Variants in ACER1 observed in about 807,000 individuals in gnomAD.
ACER1 encodes the protein alkaline ceramidase 1.
In ACER1, 28 loss-of-function variants were observed where a neutral mutation model predicts 24.9. The observed-to-expected ratio is 1.13, with a 90% CI of 0.83 to 1.54. ACER1 has a LOEUF of 1.54. Among genes scored for constraint, ACER1 ranks in the 40% most tolerant of loss-of-function variants. The probability of loss-of-function intolerance (pLI) is 0.00; values close to 1 mark genes in which losing one functional copy is unlikely to be tolerated. For missense variants in ACER1, 352 were observed against 349.3 expected, an observed-to-expected ratio of 1.01 and a Z score of -0.06; for synonymous variants, 132 against 131.4, an observed-to-expected ratio of 1.00 and a Z score of -0.03.
At chr19:6,349,139 G>T in the ACER1 span, among the ~76,000 whole-genome samples, 1 of 149,166 alleles carries the variant, frequency 6.7e-6, no homozygotes, top group South Asian at 2.1e-4. Flanking sequence ...GGAAGAAGAA[G>T]AAGAAAGAAA....
the ACER1 span, among the ~76,000 whole-genome samples, chr19:6,350,398 T>C: frequency 6.6e-6 from 1 of 151,206 alleles, no homozygotes; most frequent in African/African-American, 2.4e-5. Context: ...ACTTAAAGTA[T>C]AATAATAATA....
chr19:6,324,674 A>T (rs905417861), intron 1 of ACER1, among the ~76,000 whole-genome samples: 9 of 151,750 alleles, frequency 5.9e-5, no homozygotes, highest in Non-Finnish European at 1.3e-4. Context: ...CTGAGGCAGG[A>T]GAATTTCTTG....
chr19:6,310,868 A>G (rs1349182897), intron 3 of ACER1, among the ~76,000 whole-genome samples: 1 of 139,628 alleles, frequency 7.2e-6, no homozygotes, highest in Non-Finnish European at 1.5e-5. Context: ...ACACAGCGAG[A>G]CTTCATCTAA....
the ACER1 span, among the ~76,000 whole-genome samples, chr19:6,352,189 C>T: frequency 9.5e-4 from 145 of 152,230 alleles, 1 homozygote; most frequent in Admixed American, 2.8e-3. Context: ...CCTGTTATGC[C>T]CCTGCCACTC....
At chr19:6,346,595 C>T in the ACER1 span, among the ~76,000 whole-genome samples, 4,590 of 149,774 alleles carry the variant, frequency 0.031, 253 homozygotes, top group African/African-American at 0.11. Flanking sequence ...TAGCTCACTG[C>T]AGCCTCAATC....
At chr19:6,351,636 C>A in the ACER1 span, among the ~76,000 whole-genome samples, 6 of 149,726 alleles carry the variant, frequency 4.0e-5, no homozygotes, top group Non-Finnish European at 8.9e-5. Flanking sequence ...AGGAGGCTGA[C>A]GCAGGAAGAT....
At chr19:6,327,160 G>C (rs1012703603) in intron 1 of ACER1, among the ~76,000 whole-genome samples, 8 of 152,348 alleles carry the variant, frequency 5.3e-5, no homozygotes, top group South Asian at 2.1e-4. Flanking sequence ...GCTGGGTGCA[G>C]TGGCTCATGC....
rs1220348076 is a variant in ACER1, at chr19:6,309,711, G to A, written c.474C>T (p.Cys158=). The change falls in exon 4 of 6, where the codon TGC becomes TGT. Residue 158 remains cysteine (C), a synonymous_variant. Coordinates refer to ENST00000301452, the MANE Select transcript of ACER1 (RefSeq NM_133492.3). ...SIALHILYIV[C]QEYRKTSNKE... Reference sequence around the variant, plus strand: ...CCTTCACTCACTTCCTGTACTCCTGGCACACGATGTAGAGAATGTGCAGGG... The same window carrying A: ...CCTTCACTCACTTCCTGTACTCCTGACACACGATGTAGAGAATGTGCAGGG... 6.2e-7 allele frequency: 1 copy of A among 1,613,890 alleles called. No individual in the cohort carries two copies. The highest frequency in any genetic ancestry group is 8.5e-7 in the Non-Finnish European group (1 of 1,179,890).
chr19:6,349,948 T>C, the ACER1 span, among the ~76,000 whole-genome samples: 1 of 152,046 alleles, frequency 6.6e-6, no homozygotes, highest in Non-Finnish European at 1.5e-5. Flanking sequence ...TCAGGCAACA[T>C]AGCAAGACCT....
chr19:6,311,149 G>A (rs2091577832), intron 3 of ACER1, among the ~76,000 whole-genome samples: 1 of 147,574 alleles, frequency 6.8e-6, no homozygotes, highest in African/African-American at 2.5e-5. Context: ...TTTAAGAGAT[G>A]TCAGACAGTG....
intron 1 of ACER1, among the ~76,000 whole-genome samples, chr19:6,312,778 C>A (rs1287160848): frequency 6.6e-6 from 1 of 151,284 alleles, no homozygotes; most frequent in African/African-American, 2.4e-5. Context: ...CAGGTTCGAG[C>A]GATTCTCCTG....
chr19:6,334,624 C>A (rs533814724), upstream of ACER1, among the ~76,000 whole-genome samples: 2 of 152,078 alleles, frequency 1.3e-5, no homozygotes, highest in African/African-American at 4.8e-5. Flanking sequence ...CGGGATTATA[C>A]GCATGAGCCA....
upstream of ACER1, among the ~76,000 whole-genome samples, chr19:6,335,252 C>A (rs1353830344): frequency 4.9e-5 from 6 of 122,792 alleles, no homozygotes; most frequent in African/African-American, 2.0e-4. Context: ...TGAGATGGAG[C>A]CTCACTCTGT....
At chr19:6,324,864 G>A (rs867429633) in intron 1 of ACER1, among the ~76,000 whole-genome samples, 1 of 80,914 alleles carries the variant, frequency 1.2e-5, no homozygotes, top group African/African-American at 8.7e-5. Context: ...AGAGAGAAAG[G>A]AAGGAAGGAA....
chr19:6,326,094 A>G (rs2091659987), intron 1 of ACER1, among the ~76,000 whole-genome samples: 1 of 148,782 alleles, frequency 6.7e-6, no homozygotes, highest in Admixed American at 6.7e-5. Flanking sequence ...AGCTGGGACC[A>G]CAAGTGTGCA....
At chr19:6,322,538 A>G (rs1568311490) in intron 1 of ACER1, among the ~76,000 whole-genome samples, 1 of 152,008 alleles carries the variant, frequency 6.6e-6, no homozygotes, top group East Asian at 1.9e-4. Context: ...GCCTCCCAAC[A>G]CCTGGGCTGA....
At chr19:6,355,733 C>T in the ACER1 span, among the ~76,000 whole-genome samples, 1 of 144,390 alleles carries the variant, frequency 6.9e-6, no homozygotes, top group South Asian at 2.2e-4. Context: ...CCAGCCGCCC[C>T]GTCCAGGAGG....
At chr19:6,318,856 GA>G (rs916791089) in intron 1 of ACER1, among the ~76,000 whole-genome samples, 62 of 107,828 alleles carry the variant, frequency 5.7e-4, no homozygotes, top group Non-Finnish European at 6.7e-4. Context: ...AAAAGAAAAA[GA>G]AAAAAAAAAG....
chr19:6,312,485 G>A lies in ACER1; in HGVS notation c.108C>T (p.Pro36=). 6.2e-7 allele frequency: 1 copy of A among 1,613,768 alleles called. No homozygotes were observed. The highest frequency in any genetic ancestry group is 2.2e-5 in the East Asian group (1 of 44,878). The change falls in exon 2 of 6, where the codon CCC becomes CCT. Residue 36 remains proline, a synonymous_variant. Transcript: ENST00000301452. The part of the protein sequence containing the change: ...AEFYNTFSNI[P]FFIFGPLMML... The stretch of plus-strand genomic sequence containing the variant: ...TCATCAGTGGCCCGAAGATGAAGAA[G>A]GGGATATTGGAGAACTGGAGCAGAG...
Sources: gnomAD v4.1 joint callset for allele counts (sites outside exome capture counted in the v4.1 genomes callset) on GRCh38, gnomAD v4.1.1 for gene constraint, MANE v1.5 for transcripts, NCBI Gene and HGNC (gene_info 2026-07-23, HGNC 2026-07-21) for gene names.